Variants in NDUFA12 observed in about 807,000 individuals in gnomAD.
NDUFA12 encodes NADH dehydrogenase [ubiquinone] 1 alpha subcomplex subunit 12.
Under a neutral mutation model 20.3 loss-of-function variants are expected in NDUFA12, and 17 were observed. The observed-to-expected ratio is 0.84, with a 90% CI of 0.57 to 1.26. The LOEUF (loss-of-function observed/expected upper bound fraction) is 1.26. Ranked by LOEUF, NDUFA12 falls within the 50% of genes most tolerant of loss-of-function variation. The pLI, the probability that NDUFA12 is intolerant of heterozygous loss-of-function variation, is 0.00. For synonymous variants in NDUFA12, 72 were observed against 63.6 expected (o/e 1.13, Z -0.63); for missense variants, 191 against 183.7 (o/e 1.04, Z -0.23).
chr12:94,994,408 C>T lies in NDUFA12; in HGVS notation c.170-151G>A, dbSNP rs17023557. ...GGAGGAATAACACCCTGGGTGAATT[C>T]GTGAAGGTAAGCTCCAGGAGGTGTG... On this transcript the variant is annotated intron_variant, in intron 2 of 3. Coordinates refer to ENST00000327772, the MANE Select transcript of NDUFA12 (RefSeq NM_018838.5). 53,528 of 622,020 alleles carry T rather than the reference C, an allele frequency of 0.086. 3,718 individuals carry two copies. The highest frequency in any genetic ancestry group is 0.28 in the African/African-American group (15,213 of 54,070). 38.5% of individuals were successfully genotyped at this position (622,020 alleles called of 1,614,324 possible).
intron 2 of NDUFA12, among the ~76,000 whole-genome samples, chr12:94,994,975 C>T (rs753685144): frequency 1.3e-5 from 2 of 152,028 alleles, no homozygotes; most frequent in Admixed American, 1.3e-4. Context: ...ATGACTATAC[C>T]TACATCTTAG....
intron 2 of NDUFA12, chr12:94,996,817 C>T (rs1265545850): frequency 7.9e-6 from 1 of 126,612 alleles, no homozygotes; most frequent in Non-Finnish European, 1.4e-5. Flanking sequence ...AAAACTCTGT[C>T]TCAAAAAAAA....
Position 94,971,604 on chromosome 12 carries a change from T to C in NDUFA12, c.274A>G (p.Ser92Gly). ...VPPEWHRWLH[S>G]MTDDPPTTKP... ...GTTGTTGGAGGATCATCAGTCATAC[T>C]GTGAAGCCAACGATGCCTTAAAGAG... Residue 92 changes from serine to glycine, a missense_variant, in exon 4 of 4, where the codon AGT (serine) becomes GGT (glycine). Coordinates refer to ENST00000327772, the MANE Select transcript of NDUFA12 (RefSeq NM_018838.5). 2 of 1,614,176 alleles carry C rather than the reference T, an allele frequency of 1.2e-6. No homozygotes were observed. The highest frequency in any genetic ancestry group is 1.7e-6 in the Non-Finnish European group (2 of 1,180,020).
intron 3 of NDUFA12, among the ~76,000 whole-genome samples, chr12:94,974,953 C>T (rs573100501): frequency 6.6e-6 from 1 of 152,128 alleles, no homozygotes; most frequent in South Asian, 2.1e-4. Flanking sequence ...TTTGACAGCA[C>T]AACACAGTGA....
intron 3 of NDUFA12, among the ~76,000 whole-genome samples, chr12:94,982,827 A>G (rs1330100394): frequency 4.6e-5 from 7 of 152,150 alleles, no homozygotes; most frequent in Admixed American, 4.6e-4. Context: ...GGTCGATTTT[A>G]TATTGCAATA....
chr12:95,001,241 G>A (rs771809039), intron 2 of NDUFA12, among the ~76,000 whole-genome samples: 5 of 152,130 alleles, frequency 3.3e-5, no homozygotes, highest in Admixed American at 1.3e-4. Context: ...AGGAGGTCAC[G>A]GCTGCAGGGA....
chr12:94,992,640 T>C (rs927778025), intron 3 of NDUFA12, among the ~76,000 whole-genome samples: 6 of 152,226 alleles, frequency 3.9e-5, no homozygotes, highest in South Asian at 2.1e-4. Flanking sequence ...TAAGGCAATA[T>C]GGTTCCTGCC....
At position 94,978,957 on chromosome 12, in the gene NDUFA12, A is replaced by G. The variant is rs148539185; in HGVS notation, c.258-7337T>C. Among the ~76,000 whole-genome samples, 412 of 152,340 alleles carry G rather than the reference A, an allele frequency of 2.7e-3. 4 individuals are homozygous for G. The highest frequency in any genetic ancestry group is 9.1e-3 in the African/African-American group (379 of 41,574). ...TGTGACATATTAAGTGAGGGGAGGG[A>G]GAAGCAAGTCAGAAAATGTTGTATA... On this transcript the variant is annotated intron_variant, in intron 3 of 3. Transcript: ENST00000327772.
At chr12:94,988,882 AG>A (rs34800127) in intron 3 of NDUFA12, among the ~76,000 whole-genome samples, 1 of 152,128 alleles carries the variant, frequency 6.6e-6, no homozygotes, top group Non-Finnish European at 1.5e-5. Context: ...ATGCACTCTC[AG>A]GGTTCGAGCC....
intron 2 of NDUFA12, among the ~76,000 whole-genome samples, chr12:94,998,862 T>C (rs959648014): frequency 2.0e-5 from 3 of 152,230 alleles, no homozygotes; most frequent in Non-Finnish European, 2.9e-5. Context: ...ACATATCCCA[T>C]GCTCATGGAT....
chr12:94,986,678 G>C (rs113409044), intron 3 of NDUFA12, among the ~76,000 whole-genome samples: 11,038 of 151,970 alleles, frequency 0.073, 469 homozygotes, highest in Middle Eastern at 0.18. Context: ...TGTAGTCCCA[G>C]CTACTTGGGA....
At chr12:95,002,593 C>T (rs1426206677) in intron 2 of NDUFA12, 146 bp downstream of exon 2, 1 of 687,220 alleles carries the variant, frequency 1.5e-6, no homozygotes, top group Non-Finnish European at 2.5e-6. Context: ...TTTCTTTTTT[C>T]TGTAAATTAT....
intron 3 of NDUFA12, among the ~76,000 whole-genome samples, chr12:94,977,638 C>T (rs4923653): frequency 0.55 from 83,176 of 151,868 alleles, 23,310 homozygotes; most frequent in African/African-American, 0.67. Context: ...GCAGAAGATG[C>T]CATTTTTGGA....
intron 2 of NDUFA12, among the ~76,000 whole-genome samples, chr12:94,995,065 CT>C (rs1301999603): frequency 1.3e-5 from 2 of 152,150 alleles, no homozygotes; most frequent in Non-Finnish European, 2.9e-5. Context: ...GTATTAATTC[CT>C]TCTACCCCTT....
At chr12:94,996,558 A>G (rs917815470) in intron 2 of NDUFA12, among the ~76,000 whole-genome samples, 6 of 151,992 alleles carry the variant, frequency 3.9e-5, no homozygotes, top group South Asian at 2.1e-4. Flanking sequence ...AGTGGCTCAC[A>G]CCTGTAATCC....
intron 3 of NDUFA12, among the ~76,000 whole-genome samples, chr12:94,993,451 C>T (rs193163026): frequency 1.9e-3 from 289 of 149,276 alleles, no homozygotes; most frequent in African/African-American, 6.7e-3. Context: ...ACGGTGAAAC[C>T]CCATCTCTAC....
At chr12:94,981,931 C>T (rs1874252080) in intron 3 of NDUFA12, among the ~76,000 whole-genome samples, 1 of 152,162 alleles carries the variant, frequency 6.6e-6, no homozygotes, top group African/African-American at 2.4e-5. Flanking sequence ...GAAGTGAAGG[C>T]CTTTAGACCA....
intron 3 of NDUFA12, among the ~76,000 whole-genome samples, chr12:94,973,913 A>G (rs369956312): frequency 6.6e-6 from 1 of 151,372 alleles, no homozygotes; most frequent in Non-Finnish European, 1.5e-5. Flanking sequence ...AAAAAAAATC[A>G]TATCTTTCAG....
chr12:94,988,712 G>A (rs952065097), intron 3 of NDUFA12, among the ~76,000 whole-genome samples: 2 of 152,156 alleles, frequency 1.3e-5, no homozygotes, highest in African/African-American at 4.8e-5. Flanking sequence ...CAGGTACTAT[G>A]TAGCAGTTAC....
Sources: allele counts gnomAD v4.1 joint callset (sites outside exome capture counted in the v4.1 genomes callset), GRCh38; gene constraint gnomAD v4.1.1; transcripts MANE v1.5; gene names NCBI Gene and HGNC (gene_info 2026-07-23, HGNC 2026-07-21).